The following RYR1 variants were observed in gnomAD, a reference collection of about 807,000 sequenced individuals.
RYR1 encodes ryanodine receptor 1, also known as central core disease of muscle.
Under a neutral mutation model 583.5 loss-of-function variants are expected in RYR1, and 342 were observed. That is an observed-to-expected ratio of 0.59 (90% CI 0.54 to 0.64). The LOEUF is 0.64. Ranked by LOEUF, RYR1 falls within the 30% of genes least tolerant of loss-of-function variation. The pLI is 0.00. For missense variants in RYR1, 6,032 were observed against 6,917.2 expected (o/e 0.87, Z 4.54); for synonymous variants, 2,791 against 2,822.5 (o/e 0.99, Z 0.35).
At chr19:38,452,730 G>C in intron 12 of RYR1, 89 bp from the exon 13 acceptor site, 2 of 1,224,606 alleles carry the variant, frequency 1.6e-6, no homozygotes, top group Non-Finnish European at 2.3e-6. Flanking sequence ...GGGTGGGTCT[G>C]GGGGAGTCTT....
Position 38,465,992 on chromosome 19 carries a change from G to T in RYR1, c.2871-99G>T. Reference sequence around the variant, plus strand: ...CATTATATCAAAGGTCAGAAACGCCGAAGCTGGGACAAGGGTCAGCAGTCA... The same window carrying T: ...CATTATATCAAAGGTCAGAAACGCCTAAGCTGGGACAAGGGTCAGCAGTCA... On this transcript the variant is annotated intron_variant, in intron 23 of 105. Coordinates refer to ENST00000359596, the MANE Select transcript of RYR1 (RefSeq NM_000540.3). The T allele has an allele frequency of 2.5e-6, 3 of 1,184,026 alleles. No individual in the cohort carries two copies. In the South Asian group the frequency reaches 3.9e-5, roughly 16 times the overall value. 73.3% of individuals were successfully genotyped at this position (1,184,026 alleles called of 1,614,324 possible).
chr19:38,453,401 G>C (rs1967195602), intron 13 of RYR1, among the ~76,000 whole-genome samples: 1 of 151,668 alleles, frequency 6.6e-6, no homozygotes, highest in Admixed American at 6.6e-5. Context: ...TAGGGCTGCC[G>C]ACTCAGCGGG....
At chr19:38,507,686 A>T in intron 57 of RYR1, 26 bp from the exon 58 acceptor site, 1 of 1,438,826 alleles carries the variant, frequency 7.0e-7, no homozygotes, top group Non-Finnish European at 9.8e-7. Flanking sequence ...GTCTGGGCTG[A>T]TCCTTCTCTC....
chr19:38,555,012 A>G lies in RYR1; in HGVS notation c.12283-6101A>G, dbSNP rs1361682014. Among the ~76,000 whole-genome samples the G allele has an allele frequency of 2.6e-5, 4 of 152,144 alleles. No homozygotes were observed. In the East Asian group the frequency reaches 5.8e-4, roughly 22 times the overall value. On this transcript the variant is annotated intron_variant, in intron 89 of 105. Coordinates refer to ENST00000359596, the MANE Select transcript of RYR1 (RefSeq NM_000540.3). ...CATCCCTGCAATCTAATTTTAGAAC[A>G]TTTTAATCATCCTTTGAAAACGAAC... is the stretch of plus-strand genomic sequence containing the variant.
chr19:38,446,765 T>G lies in RYR1; in HGVS notation c.797T>G (p.Ile266Ser). ...CTCTGGAGGCTGGAGCCACTGAGAA[T>G]CAGGTAGGGCGGGGAAGATGGGGAG... is the stretch of plus-strand genomic sequence containing the variant. ...RSLWRLEPLR[I>S]SWSGSHLRWG... Residue 266 changes from isoleucine (I) to serine (S), a missense_variant, in exon 9 of 106, where the codon ATC (isoleucine) becomes AGC (serine). This residue lies in a region of RYR1 where 338 missense variants were observed against 441.6 expected (regional missense o/e 0.77). Transcript: ENST00000359596. 2.5e-6 allele frequency: 4 copies of G among 1,613,178 alleles called. No homozygotes were observed. Among genetic ancestry groups the G allele is most frequent in the Non-Finnish European group, 3.4e-6 (4 of 1,179,676 alleles).
intron 89 of RYR1, among the ~76,000 whole-genome samples, chr19:38,556,480 A>T (rs1601027513): frequency 8.1e-6 from 1 of 122,836 alleles, no homozygotes; most frequent in East Asian, 2.7e-4. Flanking sequence ...AGACTCTGTT[A>T]AAAAAAAAAA....
chr19:38,499,178 T>A lies in RYR1; in HGVS notation c.6962T>A (p.Ile2321Asn). Residue 2321 changes from isoleucine to asparagine, a missense_variant, in exon 43 of 106, where the codon ATT becomes AAT. Transcript: ENST00000359596. This position sits in a 1 kb window ranked among gnomAD's most constrained non-coding sequence, Gnocchi z 7.3. ...CTTGTGGCCAAAGGGTACCCAGACATTGGCTGGAACCCCTGTGGTGGAGAG... is the reference window on the plus strand; with the variant it reads ...CTTGTGGCCAAAGGGTACCCAGACAATGGCTGGAACCCCTGTGGTGGAGAG... ...PMLVAKGYPD[I>N]GWNPCGGERY... 1 of 1,614,156 alleles carries A rather than the reference T, an allele frequency of 6.2e-7. No individual in the cohort carries two copies. Among genetic ancestry groups the A allele is most frequent in the Non-Finnish European group, 8.5e-7 (1 of 1,180,006 alleles).
At chr19:38,528,878 C>A (rs1206197805) in intron 75 of RYR1, 73 bp from the exon 76 acceptor site, 3 of 1,548,682 alleles carry the variant, frequency 1.9e-6, no homozygotes, top group African/African-American at 2.7e-5. Context: ...AAATCCAGAC[C>A]AACAGGGACA....
At chr19:38,585,250 G>A (rs1254638814) in intron 102 of RYR1, 151 bp downstream of exon 102, 38 of 921,746 alleles carry the variant, frequency 4.1e-5, no homozygotes, top group Non-Finnish European at 5.6e-5. Context: ...CGGGGCCTCC[G>A]TTTCTCCATC....
intron 75 of RYR1, 27 bp downstream of exon 75, chr19:38,528,722 G>C (rs147450893): frequency 6.8e-6 from 11 of 1,610,614 alleles, no homozygotes; most frequent in African/African-American, 4.0e-5. Context: ...CTGGGGGAGT[G>C]GGGGGCGAGC....
In RYR1 at chr19:38,516,111, C is replaced by T. The variant is rs587784379; in HGVS notation, c.9579C>T (p.Cys3193=). 7 of 1,549,462 alleles carry T rather than the reference C, an allele frequency of 4.5e-6. No homozygotes were observed. The highest frequency in any genetic ancestry group is 6.1e-6 in the Non-Finnish European group (7 of 1,147,008). The part of the protein sequence containing the change: ...VEKLRPALGE[C]LARLAAAMPV... The stretch of plus-strand genomic sequence containing the variant: ...GGCTTCGGCCAGCCCTCGGGGAGTG[C>T]CTGGCCCGTCTGGCAGCAGCCATGC... Residue 3193 remains cysteine (C), a synonymous_variant, in exon 65 of 106, where the codon TGC becomes TGT. Transcript: ENST00000359596.
At chr19:38,465,543 T>G (rs1466108868) in intron 23 of RYR1, among the ~76,000 whole-genome samples, 1 of 151,878 alleles carries the variant, frequency 6.6e-6, no homozygotes, top group Non-Finnish European at 1.5e-5. Flanking sequence ...GGCGGGCGGA[T>G]CACCTGAGGT....
chr19:38,515,323 A>G (rs1446417382), intron 64 of RYR1, among the ~76,000 whole-genome samples: 1 of 152,196 alleles, frequency 6.6e-6, no homozygotes, highest in Non-Finnish European at 1.5e-5. Flanking sequence ...TGAAGCAGGC[A>G]GGCCTCGCTG....
chr19:38,501,467 C>A (rs1970117334), intron 47 of RYR1, among the ~76,000 whole-genome samples: 1 of 152,186 alleles, frequency 6.6e-6, no homozygotes, highest in Non-Finnish European at 1.5e-5. Flanking sequence ...CGCTGCACTC[C>A]CGCCTGGCAA....
chr19:38,531,987 A>G (rs147107725), intron 76 of RYR1, among the ~76,000 whole-genome samples: 1 of 152,342 alleles, frequency 6.6e-6, no homozygotes, highest in Non-Finnish European at 1.5e-5. Flanking sequence ...CTTACCTGTC[A>G]TCATGGCCAC....
chr19:38,546,309 C>T, intron 87 of RYR1, 136 bp from the exon 88 acceptor site: 2 of 728,884 alleles, frequency 2.7e-6, no homozygotes, highest in Middle Eastern at 2.8e-4. Context: ...AGGAACATGT[C>T]TGGACTCGGG....
chr19:38,561,073 C>A lies in RYR1; in HGVS notation c.12283-40C>A. 6.6e-7 allele frequency: 1 copy of A among 1,515,472 alleles called. No homozygotes were observed. The highest frequency in any genetic ancestry group is 1.4e-5 in the African/African-American group (1 of 72,864). 93.9% of individuals were successfully genotyped at this position (1,515,472 alleles called of 1,614,324 possible). On this transcript the variant is annotated intron_variant, in intron 89 of 105. Transcript: ENST00000359596. This position sits in a 1 kb window ranked among gnomAD's most constrained non-coding sequence, Gnocchi z 4.8. The stretch of plus-strand genomic sequence containing the variant: ...AAAAAAAAAAGAGAGAGAATTGAGG[C>A]TCTCCAGGTCACCCCACTGACCTCC...
At chr19:38,574,382 C>G (rs1227620307) in intron 96 of RYR1, among the ~76,000 whole-genome samples, 1 of 151,274 alleles carries the variant, frequency 6.6e-6, no homozygotes, top group East Asian at 1.9e-4. Context: ...CTTTGGGAGG[C>G]TGAGGCAGGA....
chr19:38,575,149 C>G (rs759915397), intron 96 of RYR1, among the ~76,000 whole-genome samples: 5 of 152,002 alleles, frequency 3.3e-5, no homozygotes, highest in Non-Finnish European at 5.9e-5. Context: ...TAAATGAAAT[C>G]AACCAGTATG....
Sources: gnomAD v4.1 joint callset for allele counts (sites outside exome capture counted in the v4.1 genomes callset) on GRCh38, gnomAD v4.1.1 for gene constraint, gnomAD v4.1.1 regional missense constraint, Gnocchi (gnomAD v3.1) non-coding constraint, MANE v1.5 for transcripts, NCBI Gene and HGNC (gene_info 2026-07-23, HGNC 2026-07-21) for gene names.